The following ST8SIA5 variants were observed in gnomAD, a reference collection of about 807,000 sequenced individuals.
The protein encoded by ST8SIA5 is ST8 alpha-N-acetyl-neuraminide alpha-2,8-sialyltransferase 5.
A neutral mutation model predicts 40.2 loss-of-function variants in ST8SIA5; 24 were observed. The observed-to-expected ratio is 0.60, with a 90% confidence interval of 0.43 to 0.84. ST8SIA5 has a LOEUF of 0.84. ST8SIA5 is among the 40% of genes least tolerant of loss of function. ST8SIA5 has a pLI of 0.00. For missense variants in ST8SIA5, 465 were observed against 498.5 expected (o/e 0.93, Z 0.64); for synonymous variants, 198 against 201.8 (o/e 0.98, Z 0.16).
chr18:46,692,414 T>A (rs541781724), intron 2 of ST8SIA5, among the ~76,000 whole-genome samples, 159 bp from the exon 3 acceptor site: 106 of 151,942 alleles, frequency 7.0e-4, no homozygotes, highest in Non-Finnish European at 1.3e-3. Flanking sequence ...TGTTTCTTTT[T>A]TTTTTTTAAG....
chr18:46,683,308 T>C (rs2039416084), intron 5 of ST8SIA5, among the ~76,000 whole-genome samples: 1 of 152,228 alleles, frequency 6.6e-6, no homozygotes, highest in African/African-American at 2.4e-5. Flanking sequence ...TTCATACTTA[T>C]GTGGTACAAA....
Position 46,681,978 on chromosome 18 carries a change from G to A in ST8SIA5, c.656C>T (p.Thr219Ile). 2 of 1,614,050 alleles carry A rather than the reference G, an allele frequency of 1.2e-6. No individual in the cohort carries two copies. The highest frequency in any genetic ancestry group is 4.5e-5 in the East Asian group (2 of 44,892). The change falls in exon 6 of 7, where the codon ACA (threonine) becomes ATA (isoleucine). Residue 219 changes from threonine (T) to isoleucine (I), a missense_variant. Coordinates refer to ENST00000315087, the MANE Select transcript of ST8SIA5 (RefSeq NM_013305.6). ...TAGAAAGAGGGCCACTGACCTCTCT[G>A]TGATGATGCTGGGGTTCACAGTGAC... Reference protein sequence around the residue: ...DVVTVNPSIITERFHKLEKWR... With the variant: ...DVVTVNPSIIIERFHKLEKWR...
At chr18:46,731,319 C>T (rs1015928918) in intron 1 of ST8SIA5, among the ~76,000 whole-genome samples, 7 of 152,166 alleles carry the variant, frequency 4.6e-5, no homozygotes, top group South Asian at 4.1e-4. Flanking sequence ...ATGGTAGCGA[C>T]GATGATGGCT....
chr18:46,686,326 C>A, intron 4 of ST8SIA5, 40 bp from the exon 5 acceptor site: 3 of 1,573,326 alleles, frequency 1.9e-6, no homozygotes, highest in Non-Finnish European at 2.6e-6. Flanking sequence ...GCCAAGCCAC[C>A]CCCTGCCTCG....
intron 1 of ST8SIA5, among the ~76,000 whole-genome samples, chr18:46,739,408 C>G (rs1355223122): frequency 6.6e-6 from 1 of 152,110 alleles, no homozygotes; most frequent in Admixed American, 6.5e-5. Flanking sequence ...TTGGCATGAG[C>G]CTGTAATCCC....
chr18:46,755,211 GC>G (rs1395090029), intron 1 of ST8SIA5, among the ~76,000 whole-genome samples: 2 of 152,182 alleles, frequency 1.3e-5, no homozygotes, highest in Non-Finnish European at 2.9e-5. Context: ...GCGACACCTA[GC>G]AGCGATCCTC....
chr18:46,751,864 A>T (rs1410459388), intron 1 of ST8SIA5, among the ~76,000 whole-genome samples: 1 of 152,080 alleles, frequency 6.6e-6, no homozygotes, highest in Non-Finnish European at 1.5e-5. Flanking sequence ...AGTTTGAAAA[A>T]CACTGATGTC....
intron 5 of ST8SIA5, 119 bp from the exon 6 acceptor site, chr18:46,682,183 C>T: frequency 1.4e-6 from 1 of 708,746 alleles, no homozygotes; most frequent in South Asian, 2.0e-5. Context: ...AGGCAACCAG[C>T]TAGGCAGGTT....
At chr18:46,752,733 C>A (rs11082558) in intron 1 of ST8SIA5, among the ~76,000 whole-genome samples, 1 of 152,070 alleles carries the variant, frequency 6.6e-6, no homozygotes, top group African/African-American at 2.4e-5. Flanking sequence ...CTAAATTCTC[C>A]CTGGAAGAGC....
At chr18:46,723,518 C>G (rs887436711) in intron 1 of ST8SIA5, among the ~76,000 whole-genome samples, 9 of 152,122 alleles carry the variant, frequency 5.9e-5, no homozygotes, top group African/African-American at 2.2e-4. Flanking sequence ...CACTACTGCA[C>G]TCTAGCCTGA....
chr18:46,682,064 C>A lies in ST8SIA5; in HGVS notation c.570G>T (p.Arg190=), dbSNP rs200910660. The change falls in exon 6 of 7, where the codon CGG becomes CGT. Residue 190 remains arginine (R), a splice_region_variant and synonymous_variant. Coordinates refer to ENST00000315087, the MANE Select transcript of ST8SIA5 (RefSeq NM_013305.6). ...TCTCTGAGATGGGGGGCAGGTTGCA[C>A]CTGCAGAAGAGAAAAGGCAGCCCAA... ...REINSADFVF[R]CNLPPISEKY... The A allele has an allele frequency of 1.2e-6, 2 of 1,605,144 alleles. No individual in the cohort carries two copies. The highest frequency in any genetic ancestry group is 1.7e-6 in the Non-Finnish European group (2 of 1,176,264).
intron 1 of ST8SIA5, among the ~76,000 whole-genome samples, chr18:46,711,820 G>T (rs1043665472): frequency 3.3e-5 from 5 of 152,220 alleles, no homozygotes; most frequent in Non-Finnish European, 7.4e-5. Context: ...GCTGGTCCAT[G>T]GCCCGGCTCA....
intron 2 of ST8SIA5, among the ~76,000 whole-genome samples, chr18:46,693,877 G>A (rs974898241): frequency 6.6e-6 from 1 of 152,172 alleles, no homozygotes; most frequent in Non-Finnish European, 1.5e-5. Context: ...TCACAGATCC[G>A]CTTTAGCATC....
At chr18:46,742,428 C>T (rs1272707451) in intron 1 of ST8SIA5, among the ~76,000 whole-genome samples, 1 of 149,178 alleles carries the variant, frequency 6.7e-6, no homozygotes, top group Non-Finnish European at 1.5e-5. Flanking sequence ...CAATCAACAA[C>T]AAAAAAAAAA....
At chr18:46,692,341 C>T (rs1431264457) in intron 2 of ST8SIA5, 86 bp from the exon 3 acceptor site, 5 of 1,222,184 alleles carry the variant, frequency 4.1e-6, no homozygotes, top group Non-Finnish European at 6.0e-6. Flanking sequence ...TCCTGATCTC[C>T]CATAGGCCAA....
Position 46,678,255 on chromosome 18 carries a change from G to A in ST8SIA5, c.*1787C>T, listed in dbSNP as rs1323546594. The A allele has an allele frequency of 1.3e-5, 2 of 152,266 alleles. No individual in the cohort carries two copies. The highest frequency in any genetic ancestry group is 2.9e-5 in the Non-Finnish European group (2 of 68,082). The allele number at this position is 152,266 out of a possible 1,614,324, so 9.4% of individuals were successfully genotyped here. A position where few individuals can be genotyped will look rare whatever the true frequency, so the allele number is the denominator to read the frequency against. On this transcript the variant is annotated 3_prime_UTR_variant, in exon 7 of 7. Coordinates refer to ENST00000315087, the MANE Select transcript of ST8SIA5 (RefSeq NM_013305.6). ...GGACCAGAGCTCAGAATGCAGGTGA[G>A]AGTCAGCACTGAGAACAGTGTTGTG...
rs542026667 is a variant in ST8SIA5 at position 46,673,142 on chromosome 18, A to G, written c.*6900T>C. The stretch of plus-strand genomic sequence containing the variant: ...TTGCAAGATGAGAAGAGTTCCAGAG[A>G]CAGAATATACAACAGTGTGAATGTA... On this transcript the variant is annotated 3_prime_UTR_variant, in exon 7 of 7. Coordinates refer to ENST00000315087, the MANE Select transcript of ST8SIA5 (RefSeq NM_013305.6). The G allele has an allele frequency of 1.3e-5, 2 of 152,336 alleles. No individual in the cohort carries two copies. The highest frequency in any genetic ancestry group is 4.1e-4 in the South Asian group (2 of 4,826). 9.4% of individuals were successfully genotyped at this position (152,336 alleles called of 1,614,324 possible).
At position 46,738,675 on chromosome 18, in the gene ST8SIA5, T is replaced by C. The variant is rs375488545; in HGVS notation, c.131+17703A>G. On this transcript the variant is annotated intron_variant, in intron 1 of 6. Coordinates refer to ENST00000315087, the MANE Select transcript of ST8SIA5 (RefSeq NM_013305.6). Reference sequence around the variant, plus strand: ...AGCATCCCTTCTTTCCAGGGCACCCTCCCCCTCGAGAACCACACTCTGGAT... The same window carrying C: ...AGCATCCCTTCTTTCCAGGGCACCCCCCCCCTCGAGAACCACACTCTGGAT... 2.0e-5 allele frequency among the ~76,000 whole-genome samples: 3 copies of C among 151,430 alleles called. No homozygotes were observed. In the East Asian group the frequency reaches 5.8e-4, roughly 30 times the overall value.
chr18:46,747,825 T>C lies in ST8SIA5; in HGVS notation c.131+8553A>G, dbSNP rs150059085. On this transcript the variant is annotated intron_variant, in intron 1 of 6. Transcript: ENST00000315087. ...ACCAAAGACTTGGAACCAACCCAAA[T>C]GTCCATCAATGATAGACTGGATTAA... Among the ~76,000 whole-genome samples, 646 of 152,324 alleles carry C rather than the reference T, an allele frequency of 4.2e-3. 4 individuals carry two copies. Among genetic ancestry groups the C allele is most frequent in the African/African-American group, 0.015 (620 of 41,564 alleles).
Sources: allele counts gnomAD v4.1 joint callset (sites outside exome capture counted in the v4.1 genomes callset), GRCh38; gene constraint gnomAD v4.1.1; transcripts MANE v1.5; gene names NCBI Gene and HGNC (gene_info 2026-07-23, HGNC 2026-07-21).